The following RNF115 variants were observed in gnomAD, a reference collection of about 807,000 sequenced individuals.
The protein encoded by RNF115 is ring finger protein 115.
A neutral mutation model predicts 39.2 loss-of-function variants in RNF115; 31 were observed. That is an observed-to-expected ratio of 0.79 (90% CI 0.59 to 1.07). The LOEUF is 1.07. Among genes scored for constraint, RNF115 ranks in the 50% least tolerant of loss-of-function variants. RNF115 has a pLI of 0.00. For synonymous variants in RNF115, 124 were observed against 131.0 expected (o/e 0.95, Z 0.37); for missense variants, 384 against 381.7 (o/e 1.01, Z -0.05).
rs765723437 is a variant in RNF115 at position 145,743,721 on chromosome 1, C to A, written c.*3145G>T. The A allele has an allele frequency of 4.0e-5, 6 of 151,152 alleles. No individual in the cohort carries two copies. The highest frequency in any genetic ancestry group is 8.8e-5 in the Non-Finnish European group (6 of 67,922). The allele number at this position is 151,152 out of a possible 1,614,324, so 9.4% of individuals were successfully genotyped here. A position where few individuals can be genotyped will look rare whatever the true frequency, so the allele number is the denominator to read the frequency against. On this transcript the variant is annotated 3_prime_UTR_variant, in exon 9 of 9. Transcript: ENST00000582693. ...GCTGGAACCCAGGAGGTGGAGGTTG[C>A]AGTGAGCTGAGATTGCACCACTGCA...
chr1:145,783,429 A>G (rs1648236323), intron 3 of RNF115, among the ~76,000 whole-genome samples: 1 of 152,204 alleles, frequency 6.6e-6, no homozygotes, highest in Non-Finnish European at 1.5e-5. Flanking sequence ...TTTTCAAATA[A>G]TAAGGGAGAG....
chr1:145,762,255 G>T (rs1315649064), intron 4 of RNF115, among the ~76,000 whole-genome samples: 2 of 152,158 alleles, frequency 1.3e-5, no homozygotes, highest in African/African-American at 4.8e-5. Context: ...TGCATGACTG[G>T]TTTTGAAATG....
At chr1:145,796,877 A>T (rs1649010406) in intron 1 of RNF115, among the ~76,000 whole-genome samples, 1 of 152,086 alleles carries the variant, frequency 6.6e-6, no homozygotes, top group Admixed American at 6.6e-5. Context: ...ATAATTTTTG[A>T]TACTGACACC....
Position 145,812,051 on chromosome 1 carries a change from C to T in RNF115, c.102+11721G>A, listed in dbSNP as rs1380391033. ...TGAATCTGAGAGGTCTGAGAATTAA[C>T]GGGCTAGAAGATCAGCATCACTGTA... is the stretch of plus-strand genomic sequence containing the variant. On this transcript the variant is annotated intron_variant, in intron 1 of 8. Transcript: ENST00000582693. 8.3e-4 allele frequency among the ~76,000 whole-genome samples: 119 copies of T among 143,810 alleles called. No homozygotes were observed. The East Asian group carries it at 9.2e-3, about 11-fold the overall frequency. 94.3% of individuals were successfully genotyped at this position (143,810 alleles called of 152,430 possible).
At position 145,739,035 on chromosome 1, in the gene RNF115, G is replaced by GGAGGAA. The variant is rs1221191468; in HGVS notation, c.*7825_*7830dup. The GGAGGAA allele has an allele frequency of 1.1e-4, 17 of 153,538 alleles. No homozygotes were observed. The highest frequency in any genetic ancestry group is 4.1e-4 in the African/African-American group (17 of 41,788). 9.5% of individuals were successfully genotyped at this position (153,538 alleles called of 1,614,324 possible). A position where few individuals can be genotyped will look rare whatever the true frequency, so the allele number is the denominator to read the frequency against. On this transcript the variant is annotated 3_prime_UTR_variant, in exon 9 of 9. Transcript: ENST00000582693. ...TCAACAACATCCATACAGCACTGCT[G>GGAGGAA]GAGGAAGAGGAAGATTTGTGCAGAC...
At chr1:145,781,677 G>C (rs1648153781) in intron 3 of RNF115, among the ~76,000 whole-genome samples, 1 of 152,052 alleles carries the variant, frequency 6.6e-6, no homozygotes, top group Admixed American at 6.6e-5. Context: ...TTACAGACAA[G>C]GACAAGAGAG....
chr1:145,785,606 G>A (rs997456165), intron 2 of RNF115, among the ~76,000 whole-genome samples: 1 of 152,108 alleles, frequency 6.6e-6, no homozygotes, highest in Non-Finnish European at 1.5e-5. Flanking sequence ...ACACACTTAA[G>A]CACACAAACA....
intron 3 of RNF115, among the ~76,000 whole-genome samples, chr1:145,775,203 G>C (rs1343097011): frequency 6.6e-6 from 1 of 152,076 alleles, no homozygotes; most frequent in Non-Finnish European, 1.5e-5. Context: ...TGAGGTCAAG[G>C]TTACAGTGAG....
At chr1:145,754,400 A>T (rs1658220661) in intron 4 of RNF115, among the ~76,000 whole-genome samples, 1 of 151,056 alleles carries the variant, frequency 6.6e-6, no homozygotes, top group African/African-American at 2.4e-5. Context: ...GTCACCTAGG[A>T]TGGAGTGCAG....
intron 4 of RNF115, among the ~76,000 whole-genome samples, chr1:145,765,500 C>A (rs1414633171): frequency 6.6e-6 from 1 of 151,896 alleles, no homozygotes; most frequent in South Asian, 2.1e-4. Context: ...GATGGAATTT[C>A]TCTTAAAGAT....
chr1:145,739,382 A>G lies in RNF115; in HGVS notation c.*7484T>C, dbSNP rs1553710707. On this transcript the variant is annotated 3_prime_UTR_variant, in exon 9 of 9. Transcript: ENST00000582693. ...TTGGCAAGGACCTGCCAAATGTGGG[A>G]GCTAAGGTTTGTGGGAACGGAAAGA... 1 of 152,132 alleles carries G rather than the reference A, an allele frequency of 6.6e-6. No homozygotes were observed. The highest frequency in any genetic ancestry group is 2.4e-5 in the African/African-American group (1 of 41,406). 9.4% of individuals were successfully genotyped at this position (152,132 alleles called of 1,614,324 possible).
intron 1 of RNF115, among the ~76,000 whole-genome samples, chr1:145,804,458 T>C (rs1406871870): frequency 6.6e-6 from 1 of 151,426 alleles, no homozygotes; most frequent in Non-Finnish European, 1.5e-5. Flanking sequence ...GTATGTGCAC[T>C]TCAAAACATC....
At chr1:145,789,934 G>GCGAT (rs1648584906) in intron 1 of RNF115, among the ~76,000 whole-genome samples, 1 of 150,994 alleles carries the variant, frequency 6.6e-6, no homozygotes, top group Non-Finnish European at 1.5e-5. Flanking sequence ...CTGACCTCAG[G>GCGAT]CGATCCACCC....
chr1:145,761,254 T>C (rs1658491010), intron 4 of RNF115, among the ~76,000 whole-genome samples: 1 of 152,172 alleles, frequency 6.6e-6, no homozygotes, highest in Non-Finnish European at 1.5e-5. Flanking sequence ...CTGCAGAAAT[T>C]TGCATAAGTA....
chr1:145,768,061 C>G (rs1403169193), intron 4 of RNF115, among the ~76,000 whole-genome samples: 1 of 152,222 alleles, frequency 6.6e-6, no homozygotes, highest in Non-Finnish European at 1.5e-5. Flanking sequence ...AAAGGCCCAG[C>G]GAGGTCAGAC....
intron 3 of RNF115, among the ~76,000 whole-genome samples, chr1:145,779,881 TG>T: frequency 6.6e-6 from 1 of 150,458 alleles, no homozygotes; most frequent in Non-Finnish European, 1.5e-5. Flanking sequence ...CAGGCTGGTC[TG>T]GAACTCCTGA....
chr1:145,759,056 CAT>C (rs1658405126), intron 4 of RNF115, among the ~76,000 whole-genome samples: 1 of 152,174 alleles, frequency 6.6e-6, no homozygotes, highest in Non-Finnish European at 1.5e-5. Flanking sequence ...AGAGTCTTCA[CAT>C]AGTTTCCAGA....
intron 3 of RNF115, among the ~76,000 whole-genome samples, chr1:145,780,675 T>C (rs1648102971): frequency 6.6e-6 from 1 of 151,890 alleles, no homozygotes; most frequent in Non-Finnish European, 1.5e-5. Flanking sequence ...TTAAATTTTT[T>C]ACTGCCACTA....
At chr1:145,797,820 G>T (rs587720096) in intron 1 of RNF115, among the ~76,000 whole-genome samples, 41 of 152,232 alleles carry the variant, frequency 2.7e-4, no homozygotes, top group African/African-American at 9.9e-4. Flanking sequence ...TTCCCTGTTT[G>T]TTTTTTAATA....
Sources: allele counts gnomAD v4.1 joint callset (sites outside exome capture counted in the v4.1 genomes callset), GRCh38; gene constraint gnomAD v4.1.1; transcripts MANE v1.5; gene names NCBI Gene and HGNC (gene_info 2026-07-23, HGNC 2026-07-21).